The following DNAH8 variants were observed in gnomAD, a reference collection of about 807,000 sequenced individuals.
DNAH8 encodes dynein axonemal heavy chain 8, also known as axonemal beta dynein heavy chain 8.
Under a neutral mutation model 562.1 loss-of-function variants are expected in DNAH8, and 382 were observed. The observed-to-expected ratio is 0.68, with a 90% confidence interval of 0.63 to 0.74. The LOEUF (loss-of-function observed/expected upper bound fraction) is 0.74. Ranked by LOEUF, DNAH8 falls within the 30% of genes least tolerant of loss-of-function variation. DNAH8 has a pLI of 0.00. For missense variants in DNAH8, 5,203 were observed against 5,620.4 expected (o/e 0.93, Z 2.37); for synonymous variants, 1,881 against 1,919.4 (o/e 0.98, Z 0.52).
chr6:38,734,051 A>C (rs901163476), intron 4 of DNAH8, among the ~76,000 whole-genome samples: 10 of 152,008 alleles, frequency 6.6e-5, no homozygotes, highest in Admixed American at 5.2e-4. Flanking sequence ...TGGGAGGCTG[A>C]GGTGGGCAGA....
At chr6:39,005,964 TA>T (rs1765776136) in intron 88 of DNAH8, among the ~76,000 whole-genome samples, 1 of 152,188 alleles carries the variant, frequency 6.6e-6, no homozygotes, top group Non-Finnish European at 1.5e-5. Context: ...GCTTTGCAAA[TA>T]TAGAAAGTGG....
intron 19 of DNAH8, 34 bp from the exon 20 acceptor site, chr6:38,790,255 A>G: frequency 9.1e-7 from 1 of 1,103,338 alleles, no homozygotes; most frequent in Middle Eastern, 2.0e-4. Flanking sequence ...GCTCCTGTTG[A>G]TAATAGAAGC....
intron 21 of DNAH8, among the ~76,000 whole-genome samples, chr6:38,802,196 A>G (rs528780854): frequency 4.6e-5 from 7 of 152,130 alleles, no homozygotes; most frequent in African/African-American, 1.7e-4. Context: ...TCAGCCTCCA[A>G]AAGGGTTAGG....
intron 80 of DNAH8, among the ~76,000 whole-genome samples, chr6:38,948,822 C>A (rs534953954): frequency 6.6e-6 from 1 of 152,156 alleles, no homozygotes; most frequent in East Asian, 1.9e-4. Context: ...ATATTTAAGA[C>A]CAGCTGTTGG....
intron 87 of DNAH8, among the ~76,000 whole-genome samples, chr6:38,985,876 CTG>C (rs1393156506): frequency 6.6e-6 from 1 of 152,188 alleles, no homozygotes; most frequent in Non-Finnish European, 1.5e-5. Context: ...AGGGACAATG[CTG>C]TGAGTCCACA....
At chr6:38,750,246 A>G (rs748696640) in intron 8 of DNAH8, among the ~76,000 whole-genome samples, 1 of 152,270 alleles carries the variant, frequency 6.6e-6, no homozygotes, top group Non-Finnish European at 1.5e-5. Flanking sequence ...GTTCAAGCCT[A>G]CAGACAGGAT....
Position 38,870,576 on chromosome 6 carries a change from A to C in DNAH8, c.6990+14A>C. On this transcript the variant is annotated intron_variant, in intron 49 of 92. Transcript: ENST00000327475. ...AAACTCGTGCAGGTAAAGACATTTT[A>C]ATCTATTATTAGTATAATGATAAGT... 6.2e-7 allele frequency: 1 copy of C among 1,607,176 alleles called. No individual in the cohort carries two copies. The highest frequency in any genetic ancestry group is 8.5e-7 in the Non-Finnish European group (1 of 1,176,126).
In DNAH8 at chr6:38,863,857, C is replaced by T. The variant is rs552079375; in HGVS notation, c.6311-16C>T. On this transcript the variant is annotated splice_polypyrimidine_tract_variant and intron_variant, in intron 44 of 92. Coordinates refer to ENST00000327475, the MANE Select transcript of DNAH8 (RefSeq NM_001206927.2). ...TATAGAGTAAAACTTTACAAATTAACTGTTTTTCATGCCAGGTCTTGCACA... is the reference window on the plus strand; with the variant it reads ...TATAGAGTAAAACTTTACAAATTAATTGTTTTTCATGCCAGGTCTTGCACA... 9 of 1,568,048 alleles carry T rather than the reference C, an allele frequency of 5.7e-6. No homozygotes were observed. The South Asian group carries it at 8.4e-5, about 15-fold the overall frequency.
chr6:38,894,310 C>T (rs888787007), intron 58 of DNAH8, among the ~76,000 whole-genome samples: 1 of 152,194 alleles, frequency 6.6e-6, no homozygotes, highest in Non-Finnish European at 1.5e-5. Context: ...GCATGACAAC[C>T]AACTCACGTT....
chr6:38,748,122 C>T (rs905404315), intron 8 of DNAH8, among the ~76,000 whole-genome samples: 3 of 152,130 alleles, frequency 2.0e-5, no homozygotes, highest in Non-Finnish European at 4.4e-5. Flanking sequence ...TCCTGGTGCA[C>T]ATGTGTGAGA....
At chr6:38,766,303 C>A (rs1024607425) in intron 11 of DNAH8, among the ~76,000 whole-genome samples, 1 of 151,984 alleles carries the variant, frequency 6.6e-6, no homozygotes, top group Non-Finnish European at 1.5e-5. Context: ...CCTTTTTTCA[C>A]CTCTATGTGG....
chr6:38,778,569 C>T, intron 14 of DNAH8, 105 bp downstream of exon 14: 1 of 659,204 alleles, frequency 1.5e-6, no homozygotes, highest in Non-Finnish European at 2.6e-6. Context: ...CTACATAAAC[C>T]TTAAAACTTA....
chr6:38,935,983 G>C (rs1192852280), intron 77 of DNAH8, among the ~76,000 whole-genome samples: 1 of 151,816 alleles, frequency 6.6e-6, no homozygotes, highest in Non-Finnish European at 1.5e-5. Context: ...ACTCATTATA[G>C]GTTAATTTGC....
At position 38,964,803 on chromosome 6, in the gene DNAH8, T is replaced by C. The variant is rs1017960423; in HGVS notation, c.12452-6789T>C. Among the ~76,000 whole-genome samples, 6 of 152,194 alleles carry C rather than the reference T, an allele frequency of 3.9e-5. No individual in the cohort carries two copies. In the South Asian group the frequency reaches 1.2e-3, roughly 31 times the overall value. ...TAGTCCGGGCATGGTGGCTCACACCTGTAATCCCAGCACTTTAGGAGGCTG... is the reference window on the plus strand; with the variant it reads ...TAGTCCGGGCATGGTGGCTCACACCCGTAATCCCAGCACTTTAGGAGGCTG... On this transcript the variant is annotated intron_variant, in intron 82 of 92. Transcript: ENST00000327475.
At chr6:39,020,590 T>C (rs551219933) in intron 91 of DNAH8, among the ~76,000 whole-genome samples, 1 of 152,336 alleles carries the variant, frequency 6.6e-6, no homozygotes, top group East Asian at 1.9e-4. Flanking sequence ...TAAGTATACA[T>C]GTGTCATGGT....
chr6:38,837,972 G>T lies in DNAH8; in HGVS notation c.4396G>T (p.Val1466Phe). ...TTTCGATGATCTGTGGAGGAAATTT[G>T]TTACGTATTCATCTGGTGAACAACT... ...ASFDDLWRKFVTYSSGEQLFG... is the reference protein window; with the variant it reads ...ASFDDLWRKFFTYSSGEQLFG... The change falls in exon 33 of 93, where the codon GTT becomes TTT. Residue 1466 changes from valine to phenylalanine, a missense_variant. Physicochemically the swap from Val to Phe is conservative, Grantham distance 50. Around this residue, in one of 6 missense-constraint regions of DNAH8, gnomAD observed 2,176 missense variants for 2,365.1 expected, o/e 0.92. Transcript: ENST00000327475. 6.2e-7 allele frequency: 1 copy of T among 1,613,224 alleles called. No individual in the cohort carries two copies. The highest frequency in any genetic ancestry group is 8.5e-7 in the Non-Finnish European group (1 of 1,179,558).
At chr6:38,896,810 G>A (rs1017031835) in intron 60 of DNAH8, among the ~76,000 whole-genome samples, 1 of 151,980 alleles carries the variant, frequency 6.6e-6, no homozygotes, top group African/African-American at 2.4e-5. Flanking sequence ...TTTTGAGATG[G>A]AGTCTCTCTC....
intron 33 of DNAH8, among the ~76,000 whole-genome samples, chr6:38,839,380 T>G (rs980902390): frequency 5.3e-5 from 8 of 152,016 alleles, no homozygotes; most frequent in Non-Finnish European, 7.4e-5. Context: ...GTTTTGTTTT[T>G]TTTTTGAGAC....
chr6:38,992,478 T>C (rs1764861210), intron 88 of DNAH8, among the ~76,000 whole-genome samples: 1 of 152,200 alleles, frequency 6.6e-6, no homozygotes, highest in South Asian at 2.1e-4. Flanking sequence ...GGAGATTCCA[T>C]AGAAAGATCC....
Sources: gnomAD v4.1 joint callset for allele counts (sites outside exome capture counted in the v4.1 genomes callset) on GRCh38, gnomAD v4.1.1 for gene constraint, gnomAD v4.1.1 regional missense constraint, MANE v1.5 for transcripts, NCBI Gene and HGNC (gene_info 2026-07-23, HGNC 2026-07-21) for gene names.